The following ARSB variants were observed in gnomAD, a reference collection of about 807,000 sequenced individuals.
ARSB encodes N-acetylgalactosamine-4-sulfatase.
A neutral mutation model predicts 50.9 loss-of-function variants in ARSB; 41 were observed. That is an observed-to-expected ratio of 0.81 (90% CI 0.63 to 1.04). The LOEUF (loss-of-function observed/expected upper bound fraction) is 1.04, where lower values mean the gene tolerates loss of function less well. Ranked by LOEUF, ARSB falls within the 50% of genes least tolerant of loss-of-function variation. ARSB has a pLI of 0.00. For missense variants in ARSB, 672 were observed against 693.3 expected (o/e 0.97, Z 0.35); for synonymous variants, 269 against 284.8 (o/e 0.94, Z 0.56).
At chr5:78,797,826 T>C (rs1291752712) in intron 6 of ARSB, among the ~76,000 whole-genome samples, 1 of 152,118 alleles carries the variant, frequency 6.6e-6, no homozygotes, top group Non-Finnish European at 1.5e-5. Context: ...TGGCTGTATT[T>C]AAGGTGGAAA....
chr5:78,854,835 G>T (rs1375724310), intron 5 of ARSB, among the ~76,000 whole-genome samples: 2 of 152,132 alleles, frequency 1.3e-5, no homozygotes, highest in East Asian at 3.9e-4. Context: ...CTGAAGGGTA[G>T]ATTTGCTGGG....
chr5:78,793,291 T>C (rs1036816752), intron 6 of ARSB, among the ~76,000 whole-genome samples: 2 of 152,164 alleles, frequency 1.3e-5, no homozygotes, highest in African/African-American at 4.8e-5. Flanking sequence ...ATAGTATCCA[T>C]CCTATTATTT....
intron 1 of ARSB, among the ~76,000 whole-genome samples, chr5:78,976,574 C>A (rs1752681793): frequency 6.6e-6 from 1 of 152,106 alleles, no homozygotes; most frequent in Admixed American, 6.5e-5. Context: ...TCCCAAATTG[C>A]TGGGATTACA....
intron 6 of ARSB, among the ~76,000 whole-genome samples, chr5:78,806,939 T>C (rs1299796166): frequency 6.6e-6 from 1 of 152,200 alleles, no homozygotes; most frequent in African/African-American, 2.4e-5. Flanking sequence ...ATGCTTACTC[T>C]TCCGCTCCCT....
At chr5:78,816,199 A>T in intron 6 of ARSB, 2 of 1,611,866 alleles carry the variant, frequency 1.2e-6, no homozygotes, top group Non-Finnish European at 1.7e-6. Flanking sequence ...CTAGTCCAGG[A>T]GATTTCTTAC....
chr5:78,796,603 T>C (rs1414725462), intron 6 of ARSB, among the ~76,000 whole-genome samples: 1 of 152,226 alleles, frequency 6.6e-6, no homozygotes, highest in East Asian at 1.9e-4. Context: ...CTGCAGTGCC[T>C]GGCATAGAGA....
intron 4 of ARSB, among the ~76,000 whole-genome samples, chr5:78,946,164 A>C (rs911206412): frequency 6.6e-6 from 1 of 152,188 alleles, no homozygotes; most frequent in Non-Finnish European, 1.5e-5. Context: ...TGGGACTCAA[A>C]CTCTGATCAT....
At chr5:78,808,445 T>A (rs547510783) in intron 6 of ARSB, among the ~76,000 whole-genome samples, 30 of 152,184 alleles carry the variant, frequency 2.0e-4, no homozygotes, top group South Asian at 1.0e-3. Context: ...CCATTTCTAG[T>A]TAGTGTTCAA....
chr5:78,844,042 C>A (rs558322500), intron 5 of ARSB, among the ~76,000 whole-genome samples: 10 of 152,174 alleles, frequency 6.6e-5, no homozygotes, highest in African/African-American at 2.2e-4. Context: ...TGTGGGCATT[C>A]GTTTTCATAT....
intron 6 of ARSB, among the ~76,000 whole-genome samples, chr5:78,811,519 T>C (rs1165651833): frequency 1.3e-5 from 2 of 152,204 alleles, no homozygotes; most frequent in Non-Finnish European, 2.9e-5. Context: ...ACACAATGGA[T>C]TTATAAAAGA....
Position 78,867,157 on chromosome 5 carries a change from G to A in ARSB, c.1142+18427C>T, listed in dbSNP as rs370120636. ...CGAGACTATATCCCACACCTGGCTC[G>A]GAGGGTCCTACACCCACGGAATCTC... On this transcript the variant is annotated intron_variant, in intron 5 of 7. Transcript: ENST00000264914. Among the ~76,000 whole-genome samples the A allele has an allele frequency of 3.6e-4, 55 of 152,212 alleles. 1 individual carries two copies. Among genetic ancestry groups the A allele is most frequent in the East Asian group, 1.7e-3 (9 of 5,182 alleles).
At chr5:78,984,806 G>A (rs1259652412) in intron 1 of ARSB, 131 bp downstream of exon 1, 15 of 670,876 alleles carry the variant, frequency 2.2e-5, no homozygotes, top group Non-Finnish European at 3.0e-5. Context: ...AGAAGCCGCC[G>A]GGACCCATAA....
chr5:78,970,085 C>CA (rs1263458319), intron 1 of ARSB, among the ~76,000 whole-genome samples: 2 of 152,148 alleles, frequency 1.3e-5, no homozygotes, highest in African/African-American at 2.4e-5. Context: ...GTCCATACAG[C>CA]AACTAAACTT....
chr5:78,832,697 A>T (rs921159084), intron 6 of ARSB, among the ~76,000 whole-genome samples: 2 of 152,172 alleles, frequency 1.3e-5, no homozygotes, highest in Admixed American at 6.5e-5. Flanking sequence ...TCACCCTATA[A>T]TCAGGAGCAG....
chr5:78,777,761 A>T lies in ARSB; in HGVS notation c.*2636T>A, dbSNP rs1239754410. The T allele has an allele frequency of 6.6e-6, 1 of 150,962 alleles. No homozygotes were observed. Among genetic ancestry groups the T allele is most frequent in the African/African-American group, 2.4e-5 (1 of 40,990 alleles). 9.4% of individuals were successfully genotyped at this position (150,962 alleles called of 1,614,324 possible). A position where few individuals can be genotyped will look rare whatever the true frequency, so the allele number is the denominator to read the frequency against. ...CAGCTACTTGGGAGGCTGAGGCAGG[A>T]GAATAGCTTGAACCTGGGAGTTAGA... On this transcript the variant is annotated 3_prime_UTR_variant, in exon 8 of 8. Coordinates refer to ENST00000264914, the MANE Select transcript of ARSB (RefSeq NM_000046.5).
chr5:78,849,387 A>G (rs796246713), intron 5 of ARSB, among the ~76,000 whole-genome samples: 6 of 151,824 alleles, frequency 4.0e-5, no homozygotes, highest in South Asian at 2.1e-4. Flanking sequence ...GGTAAGCGGC[A>G]TTATTTCTGA....
At chr5:78,788,242 G>A (rs1040267625) in intron 6 of ARSB, among the ~76,000 whole-genome samples, 2 of 152,206 alleles carry the variant, frequency 1.3e-5, no homozygotes, top group Non-Finnish European at 2.9e-5. Flanking sequence ...TGGATTAGCC[G>A]TGTGTATTGA....
rs1163178713 is a variant in ARSB, at chr5:78,830,048, G to A, written c.1213+9308C>T. Among the ~76,000 whole-genome samples, 3 of 152,350 alleles carry A rather than the reference G, an allele frequency of 2.0e-5. No individual in the cohort carries two copies. The South Asian group carries it at 6.2e-4, about 32-fold the overall frequency. On this transcript the variant is annotated intron_variant, in intron 6 of 7. Coordinates refer to ENST00000264914, the MANE Select transcript of ARSB (RefSeq NM_000046.5). ...GGAGCCACTGGACCTGAGAGGGACT[G>A]TTTGGAAGTTAGTCTGCTTTTGTGT... is the stretch of plus-strand genomic sequence containing the variant.
At chr5:78,841,896 C>T (rs1427572993) in intron 5 of ARSB, among the ~76,000 whole-genome samples, 1 of 152,076 alleles carries the variant, frequency 6.6e-6, no homozygotes, top group African/African-American at 2.4e-5. Flanking sequence ...TGTCATTCTA[C>T]TTTTAAAATG....
Sources: gnomAD v4.1 joint callset for allele counts (sites outside exome capture counted in the v4.1 genomes callset) on GRCh38, gnomAD v4.1.1 for gene constraint, MANE v1.5 for transcripts, NCBI Gene and HGNC (gene_info 2026-07-23, HGNC 2026-07-21) for gene names.